The following PPARGC1A variants were observed in gnomAD, a reference collection of about 807,000 sequenced individuals.
The protein encoded by PPARGC1A is peroxisome proliferator-activated receptor gamma coactivator 1-alpha.
A neutral mutation model predicts 88.7 loss-of-function variants in PPARGC1A; 25 were observed. The ratio of observed to expected loss-of-function variants is 0.28; its 90% CI spans 0.21 to 0.39. The LOEUF is 0.39. Among genes scored for constraint, PPARGC1A ranks in the 10% least tolerant of loss-of-function variants. PPARGC1A has a pLI of 1.00. For synonymous variants in PPARGC1A, 363 were observed against 355.6 expected, an observed-to-expected ratio of 1.02 and a Z score of -0.24; for missense variants, 880 against 968.7, an observed-to-expected ratio of 0.91 and a Z score of 1.22.
At chr4:24,259,099 TGGC>T in the PPARGC1A span, among the ~76,000 whole-genome samples, 1 of 152,178 alleles carries the variant, frequency 6.6e-6, no homozygotes, top group Non-Finnish European at 1.5e-5. Context: ...CCCAGAAAGA[TGGC>T]ACCTTCAGAA....
chr4:24,154,499 G>A, the PPARGC1A span, among the ~76,000 whole-genome samples: 1 of 152,208 alleles, frequency 6.6e-6, no homozygotes, highest in Non-Finnish European at 1.5e-5. Context: ...AGAGCCTTGT[G>A]TAAGCCATGG....
At chr4:24,253,091 C>T in the PPARGC1A span, among the ~76,000 whole-genome samples, 2 of 152,008 alleles carry the variant, frequency 1.3e-5, no homozygotes, top group Admixed American at 6.5e-5. Flanking sequence ...AAAAGTCTCT[C>T]CTCTGCAAAA....
chr4:24,347,439 G>GTGTT, the PPARGC1A span, among the ~76,000 whole-genome samples: 1 of 152,170 alleles, frequency 6.6e-6, no homozygotes, highest in African/African-American at 2.4e-5. Context: ...GGGAGCTCCA[G>GTGTT]TGTTAGGTGC....
At chr4:24,339,197 T>C in the PPARGC1A span, among the ~76,000 whole-genome samples, 1 of 29,362 alleles carries the variant, frequency 3.4e-5, no homozygotes, top group South Asian at 1.5e-3. Flanking sequence ...CATCCATGTG[T>C]GTGTGTGTGT....
At chr4:24,409,120 G>GGA in the PPARGC1A span, among the ~76,000 whole-genome samples, 1 of 152,122 alleles carries the variant, frequency 6.6e-6, no homozygotes, top group East Asian at 1.9e-4. Flanking sequence ...TTTTTTAAAT[G>GGA]TTTTATAATA....
At chr4:24,118,953 A>G in the PPARGC1A span, among the ~76,000 whole-genome samples, 1 of 152,214 alleles carries the variant, frequency 6.6e-6, no homozygotes, top group Non-Finnish European at 1.5e-5. Flanking sequence ...GTGCATAACA[A>G]ATTTGTCCTC....
chr4:24,283,518 C>G, the PPARGC1A span, among the ~76,000 whole-genome samples: 19 of 152,208 alleles, frequency 1.2e-4, no homozygotes, highest in African/African-American at 4.6e-4. Flanking sequence ...TAGTAGGCAA[C>G]TCTTTAACCT....
the PPARGC1A span, among the ~76,000 whole-genome samples, chr4:24,136,002 G>C: frequency 6.6e-6 from 1 of 152,150 alleles, no homozygotes; most frequent in African/African-American, 2.4e-5. Flanking sequence ...GAGGGGGTAC[G>C]CTTCCTCCCT....
At chr4:24,066,457 G>T in the PPARGC1A span, among the ~76,000 whole-genome samples, 703 of 152,218 alleles carry the variant, frequency 4.6e-3, 5 homozygotes, top group African/African-American at 0.016. Flanking sequence ...TAGCATAATG[G>T]TATCATAACA....
chr4:23,828,389 C>T lies in PPARGC1A; in HGVS notation c.757+11G>A. ...GCCCTCACCAACAGCTCGTTTTGGT[C>T]CCCAGCCTACCTTGTAAGTGTTGTG... On this transcript the variant is annotated intron_variant, in intron 5 of 12. Coordinates refer to ENST00000264867, the MANE Select transcript of PPARGC1A (RefSeq NM_013261.5). 2 of 1,610,964 alleles carry T rather than the reference C, an allele frequency of 1.2e-6. No homozygotes were observed. The highest frequency in any genetic ancestry group is 1.7e-6 in the Non-Finnish European group (2 of 1,177,234).
upstream of PPARGC1A, among the ~76,000 whole-genome samples, chr4:23,900,842 C>T (rs1218682998): frequency 1.3e-5 from 2 of 152,236 alleles, no homozygotes; most frequent in Admixed American, 6.5e-5. Context: ...AGACCAGAAG[C>T]AGCAAGTGAA....
chr4:23,812,603 G>A lies in PPARGC1A; in HGVS notation c.2019+144C>T, dbSNP rs1052720232. ...AGGTCAATGGGGACCGAAGACTTAT[G>A]GATATTTTAAAGCCAAAAGGCTGAA... On this transcript the variant is annotated intron_variant, in intron 10 of 12. Transcript: ENST00000264867. 7.9e-6 allele frequency: 10 copies of A among 1,268,612 alleles called. No individual in the cohort carries two copies. The African/African-American group carries it at 1.2e-4, about 15-fold the overall frequency. The allele number at this position is 1,268,612 out of a possible 1,614,324, so 78.6% of individuals were successfully genotyped here. A position where few individuals can be genotyped will look rare whatever the true frequency, so the allele number is the denominator to read the frequency against.
rs970993712 is a variant in PPARGC1A at position 23,795,841 on chromosome 4, T to A, written c.2378A>T (p.Gln793Leu). 2.3e-5 allele frequency: 37 copies of A among 1,611,430 alleles called. No homozygotes were observed. Among genetic ancestry groups the A allele is most frequent in the Non-Finnish European group, 3.1e-5 (37 of 1,179,016 alleles). Residue 793 changes from glutamine (Q) to leucine (L), a missense_variant, in exon 13 of 13, where the codon CAG becomes CTG. Transcript: ENST00000264867. ...AACATGTTACCTGCGCAAGCTTCTC[T>A]GAGCTTCTTTCAGTAAACTATCAAA... ...LDFDSLLKEA[Q>L]RSLRR
chr4:24,469,485 C>G, the PPARGC1A span, among the ~76,000 whole-genome samples: 1 of 152,166 alleles, frequency 6.6e-6, no homozygotes, highest in Non-Finnish European at 1.5e-5. Context: ...GTACATCTCT[C>G]ATTTGTTTCT....
the PPARGC1A span, among the ~76,000 whole-genome samples, chr4:24,236,197 G>C: frequency 6.6e-6 from 1 of 152,096 alleles, no homozygotes; most frequent in East Asian, 1.9e-4. Flanking sequence ...CCAGACTTTC[G>C]GGTCGTATCA....
chr4:23,910,287 T>A, the PPARGC1A span, among the ~76,000 whole-genome samples: 6 of 91,848 alleles, frequency 6.5e-5, no homozygotes, highest in South Asian at 1.6e-3. Flanking sequence ...CCCTATATAT[T>A]ATTATATATA....
chr4:24,052,250 A>G, the PPARGC1A span, among the ~76,000 whole-genome samples: 1 of 152,212 alleles, frequency 6.6e-6, no homozygotes, highest in Non-Finnish European at 1.5e-5. Context: ...TACACGTAAG[A>G]ATGAATAAAT....
At chr4:24,142,631 A>G in the PPARGC1A span, among the ~76,000 whole-genome samples, 1 of 151,996 alleles carries the variant, frequency 6.6e-6, no homozygotes, top group Non-Finnish European at 1.5e-5. Flanking sequence ...CAGAGATCAC[A>G]CCACTGCACT....
intron 12 of PPARGC1A, among the ~76,000 whole-genome samples, chr4:23,801,276 A>G (rs1261380373): frequency 6.6e-6 from 1 of 151,988 alleles, no homozygotes; most frequent in Non-Finnish European, 1.5e-5. Flanking sequence ...AAGACACATG[A>G]TAGCCACACA....
Sources: allele counts gnomAD v4.1 joint callset (sites outside exome capture counted in the v4.1 genomes callset), GRCh38; gene constraint gnomAD v4.1.1; transcripts MANE v1.5; gene names NCBI Gene and HGNC (gene_info 2026-07-23, HGNC 2026-07-21).